Variants in MEI4 observed in about 807,000 individuals in gnomAD.
MEI4 encodes meiotic double-stranded break formation protein 4.
Under a neutral mutation model 31.4 loss-of-function variants are expected in MEI4, and 27 were observed. That is an observed-to-expected ratio of 0.86 (90% CI 0.63 to 1.19). The LOEUF is 1.19. Ranked by LOEUF, MEI4 falls within the 50% of genes most tolerant of loss-of-function variation. The pLI, the probability that MEI4 is intolerant of heterozygous loss-of-function variation, is 0.00. For missense variants in MEI4, 329 were observed against 398.9 expected, an observed-to-expected ratio of 0.82 and a Z score of 1.49; for synonymous variants, 122 against 145.4, an observed-to-expected ratio of 0.84 and a Z score of 1.16.
chr6:77,681,613 C>T (rs1270149831), intron 1 of MEI4, among the ~76,000 whole-genome samples: 1 of 152,128 alleles, frequency 6.6e-6, no homozygotes, highest in Non-Finnish European at 1.5e-5. Flanking sequence ...ATGTGAAATT[C>T]TGCCAGAATC....
intron 4 of MEI4, among the ~76,000 whole-genome samples, chr6:77,850,037 A>C (rs1356442087): frequency 1.3e-5 from 2 of 152,190 alleles, no homozygotes; most frequent in Non-Finnish European, 2.9e-5. Flanking sequence ...GGCATGTGAG[A>C]GGATAACTAT....
chr6:77,835,392 ACACACACACAC>A (rs1770191312), intron 4 of MEI4, among the ~76,000 whole-genome samples: 1 of 136,820 alleles, frequency 7.3e-6, no homozygotes, highest in Non-Finnish European at 1.6e-5. Context: ...ACACACACAC[ACACACACACAC>A]AAATAAAAAA....
chr6:77,863,358 A>T (rs1770921985), intron 4 of MEI4, among the ~76,000 whole-genome samples: 3 of 146,092 alleles, frequency 2.1e-5, no homozygotes. Flanking sequence ...CGAATGGCTA[A>T]CTAGAATAAC....
intron 2 of MEI4, among the ~76,000 whole-genome samples, chr6:77,702,808 A>G (rs1423790781): frequency 2.0e-5 from 3 of 152,060 alleles, no homozygotes; most frequent in Non-Finnish European, 4.4e-5. Flanking sequence ...GACATATCAA[A>G]TTTCTTCCAC....
At chr6:77,826,030 A>G (rs774598342) in intron 3 of MEI4, among the ~76,000 whole-genome samples, 6 of 152,166 alleles carry the variant, frequency 3.9e-5, no homozygotes, top group Admixed American at 6.5e-5. Flanking sequence ...ACAGTACCTC[A>G]ACCTTATAAG....
intron 3 of MEI4, among the ~76,000 whole-genome samples, chr6:77,803,385 C>G (rs1002421228): frequency 6.6e-6 from 1 of 151,970 alleles, no homozygotes; most frequent in Non-Finnish European, 1.5e-5. Flanking sequence ...AATTTTTTTT[C>G]AAGATTTTTA....
chr6:77,661,864 A>C (rs897200998), intron 1 of MEI4, among the ~76,000 whole-genome samples: 1 of 152,186 alleles, frequency 6.6e-6, no homozygotes, highest in Non-Finnish European at 1.5e-5. Flanking sequence ...ACTGGCCGTG[A>C]GGGACAGAAG....
At chr6:77,760,951 A>C (rs1048578138) in intron 2 of MEI4, among the ~76,000 whole-genome samples, 179 bp from the exon 3 acceptor site, 1 of 152,194 alleles carries the variant, frequency 6.6e-6, no homozygotes, top group African/African-American at 2.4e-5. Flanking sequence ...TTTTTTCTAC[A>C]ATCTCTACAA....
intron 1 of MEI4, among the ~76,000 whole-genome samples, chr6:77,686,278 A>G (rs1307177379): frequency 2.0e-5 from 3 of 152,134 alleles, no homozygotes; most frequent in Non-Finnish European, 2.9e-5. Context: ...TGCATATAGA[A>G]AAGTATAAGT....
At chr6:77,663,642 C>T (rs925474073) in intron 1 of MEI4, among the ~76,000 whole-genome samples, 11 of 152,052 alleles carry the variant, frequency 7.2e-5, no homozygotes, top group Non-Finnish European at 1.3e-4. Flanking sequence ...GCTGTCAATA[C>T]CCACAACAGT....
chr6:77,913,138 C>A (rs1256963102), intron 4 of MEI4, among the ~76,000 whole-genome samples: 1 of 152,118 alleles, frequency 6.6e-6, no homozygotes, highest in South Asian at 2.1e-4. Context: ...GGGATGAATT[C>A]TACTTGATCG....
intron 4 of MEI4, among the ~76,000 whole-genome samples, chr6:77,898,888 T>C (rs1048627527): frequency 6.6e-6 from 1 of 151,988 alleles, no homozygotes; most frequent in Non-Finnish European, 1.5e-5. Context: ...CCTGAAGATT[T>C]CCTTCCCTGC....
At chr6:77,875,075 C>T (rs1012110238) in intron 4 of MEI4, among the ~76,000 whole-genome samples, 1 of 151,986 alleles carries the variant, frequency 6.6e-6, no homozygotes, top group African/African-American at 2.4e-5. Flanking sequence ...AATTTTTCTA[C>T]CTGGATTGCT....
At chr6:77,887,021 T>G (rs1229714834) in intron 4 of MEI4, among the ~76,000 whole-genome samples, 1 of 56 alleles carries the variant, frequency 0.018, no homozygotes, top group Non-Finnish European at 0.033. Context: ...TGTTCTTTCT[T>G]TTTTATTCCT....
intron 4 of MEI4, among the ~76,000 whole-genome samples, chr6:77,855,699 C>T (rs751913230): frequency 3.3e-5 from 5 of 152,034 alleles, no homozygotes; most frequent in Non-Finnish European, 5.9e-5. Context: ...GTGTTTAATG[C>T]AATGTGGAAT....
intron 3 of MEI4, among the ~76,000 whole-genome samples, chr6:77,788,101 T>C (rs548453156): frequency 5.9e-5 from 9 of 152,166 alleles, no homozygotes; most frequent in Non-Finnish European, 1.2e-4. Context: ...GTTCAACATA[T>C]GCAAATCAAT....
chr6:77,848,108 A>G (rs922307156), intron 4 of MEI4, among the ~76,000 whole-genome samples: 1 of 152,180 alleles, frequency 6.6e-6, no homozygotes, highest in African/African-American at 2.4e-5. Flanking sequence ...GGTACTTTAA[A>G]AGTACTTATT....
rs149621012 is a variant in MEI4, at chr6:77,757,835, C to T, written c.233-3295C>T. ...GAAGTCATTTTCAGTGTCTATTCACCTAAAATGATCAGTCCATCTGGCTGT... is the reference window on the plus strand; with the variant it reads ...GAAGTCATTTTCAGTGTCTATTCACTTAAAATGATCAGTCCATCTGGCTGT... On this transcript the variant is annotated intron_variant, in intron 2 of 4. Coordinates refer to ENST00000684080, the MANE Select transcript of MEI4 (RefSeq NM_001322247.2). 1.4e-3 allele frequency among the ~76,000 whole-genome samples: 214 copies of T among 152,086 alleles called. 1 individual carries two copies. The highest frequency in any genetic ancestry group is 4.5e-3 in the African/African-American group (188 of 41,490).
At chr6:77,752,820 T>G (rs888315875) in intron 2 of MEI4, among the ~76,000 whole-genome samples, 1 of 113,056 alleles carries the variant, frequency 8.8e-6, no homozygotes. Context: ...AGCAAAAAGA[T>G]CAAAGCTGGA....
Sources: gnomAD v4.1 joint callset for allele counts (sites outside exome capture counted in the v4.1 genomes callset) on GRCh38, gnomAD v4.1.1 for gene constraint, MANE v1.5 for transcripts, NCBI Gene and HGNC (gene_info 2026-07-23, HGNC 2026-07-21) for gene names.